CCDC178: variants seen among roughly 807,000 people sequenced by gnomAD.
CCDC178 encodes the protein coiled-coil domain-containing protein 178.
CCDC178 carries 126 observed loss-of-function variants against 117.4 expected under a neutral mutation model. The observed-to-expected ratio is 1.07, with a 90% CI of 0.93 to 1.24. The LOEUF (loss-of-function observed/expected upper bound fraction) is 1.24. Ranked by LOEUF, CCDC178 falls within the 50% of genes most tolerant of loss-of-function variation. The probability of loss-of-function intolerance (pLI) is 0.00; values close to 1 mark genes in which losing one functional copy is unlikely to be tolerated. For missense variants in CCDC178, 1,030 were observed against 986.9 expected, an observed-to-expected ratio of 1.04 and a Z score of -0.59; for synonymous variants, 283 against 313.4, an observed-to-expected ratio of 0.90 and a Z score of 1.02.
chr18:33,168,906 A>T (rs894440092), intron 20 of CCDC178, among the ~76,000 whole-genome samples: 2 of 152,246 alleles, frequency 1.3e-5, no homozygotes, highest in African/African-American at 4.8e-5. Flanking sequence ...CAAATATTTA[A>T]GTAGTGTTTA....
chr18:33,426,875 A>G (rs2064132120), intron 2 of CCDC178, among the ~76,000 whole-genome samples: 1 of 152,144 alleles, frequency 6.6e-6, no homozygotes, highest in African/African-American at 2.4e-5. Flanking sequence ...AACAATGGGA[A>G]AATTTCTGAA....
chr18:33,173,242 T>C (rs1016697502), intron 20 of CCDC178, among the ~76,000 whole-genome samples: 1 of 151,750 alleles, frequency 6.6e-6, no homozygotes, highest in Admixed American at 6.7e-5. Flanking sequence ...TAGAAACGGG[T>C]TTTCACTATG....
At chr18:33,338,016 A>C (rs1428711052) in intron 9 of CCDC178, among the ~76,000 whole-genome samples, 1 of 152,206 alleles carries the variant, frequency 6.6e-6, no homozygotes, top group East Asian at 1.9e-4. Flanking sequence ...CGTTGAAAAA[A>C]GGACTAATCC....
intron 5 of CCDC178, among the ~76,000 whole-genome samples, chr18:33,376,826 C>T (rs2063373788): frequency 1.3e-5 from 2 of 152,144 alleles, no homozygotes. Context: ...TGTATATGCA[C>T]CACATTTTCT....
At chr18:33,101,215 A>G (rs1344878885) in intron 20 of CCDC178, among the ~76,000 whole-genome samples, 1 of 151,402 alleles carries the variant, frequency 6.6e-6, no homozygotes, top group Non-Finnish European at 1.5e-5. Context: ...ATTCCTATGC[A>G]TTATAATCAT....
At chr18:33,245,466 A>G in intron 14 of CCDC178, 38 bp from the exon 15 acceptor site, 1 of 1,354,294 alleles carries the variant, frequency 7.4e-7, no homozygotes, top group Non-Finnish European at 9.7e-7. Context: ...TATTGAGTAT[A>G]TAGTGAGACA....
intron 22 of CCDC178, chr18:32,938,331 C>G (rs761772665): frequency 2.0e-5 from 8 of 404,764 alleles, no homozygotes; most frequent in Non-Finnish European, 3.1e-5. Context: ...GTGAATGAGA[C>G]AATTAAATTA....
intron 21 of CCDC178, among the ~76,000 whole-genome samples, chr18:33,044,857 T>C (rs1317628855): frequency 6.6e-6 from 1 of 152,094 alleles, no homozygotes; most frequent in Non-Finnish European, 1.5e-5. Flanking sequence ...AATGAAATAA[T>C]GTCTTTTGCA....
At chr18:33,020,956 T>C (rs2056104588) in intron 21 of CCDC178, among the ~76,000 whole-genome samples, 1 of 152,164 alleles carries the variant, frequency 6.6e-6, no homozygotes, top group Admixed American at 6.5e-5. Flanking sequence ...GTTGGACATA[T>C]ATATTTGTGA....
intron 9 of CCDC178, among the ~76,000 whole-genome samples, chr18:33,334,785 C>T (rs1300940936): frequency 6.6e-6 from 1 of 151,842 alleles, no homozygotes; most frequent in African/African-American, 2.4e-5. Flanking sequence ...GCCCCACGGC[C>T]CTATGTATAT....
At chr18:33,238,076 T>C (rs2059446163) in intron 15 of CCDC178, among the ~76,000 whole-genome samples, 1 of 152,214 alleles carries the variant, frequency 6.6e-6, no homozygotes, top group Non-Finnish European at 1.5e-5. Flanking sequence ...ACATAGAGAC[T>C]ACATTACTGT....
intron 20 of CCDC178, among the ~76,000 whole-genome samples, chr18:33,184,794 G>A (rs1230939844): frequency 6.6e-6 from 1 of 151,998 alleles, no homozygotes; most frequent in Non-Finnish European, 1.5e-5. Flanking sequence ...ATGGGAAAAT[G>A]TGTGCAGTTA....
chr18:33,270,507 A>G (rs895608535), intron 12 of CCDC178, among the ~76,000 whole-genome samples: 2 of 151,672 alleles, frequency 1.3e-5, no homozygotes, highest in Non-Finnish European at 3.0e-5. Context: ...GAAAAGTGAC[A>G]CTTCACATGT....
chr18:33,270,711 A>C (rs2059877105), intron 12 of CCDC178, among the ~76,000 whole-genome samples: 2 of 151,582 alleles, frequency 1.3e-5, no homozygotes, highest in South Asian at 4.1e-4. Flanking sequence ...CTGTTCTATA[A>C]AAAATACTCA....
intron 10 of CCDC178, 77 bp downstream of exon 10, chr18:33,333,097 G>T: frequency 5.1e-6 from 4 of 787,126 alleles, no homozygotes; most frequent in Non-Finnish European, 6.1e-6. Flanking sequence ...TTAAAGCTGT[G>T]TTAATTTCTT....
intron 20 of CCDC178, among the ~76,000 whole-genome samples, chr18:33,202,144 C>T (rs952343066): frequency 2.0e-5 from 3 of 151,838 alleles, no homozygotes; most frequent in Non-Finnish European, 4.4e-5. Context: ...CCTGTAATCC[C>T]AGCACTTTGG....
chr18:33,066,127 C>T (rs1332719705), intron 21 of CCDC178, among the ~76,000 whole-genome samples: 2 of 152,088 alleles, frequency 1.3e-5, no homozygotes, highest in African/African-American at 4.8e-5. Flanking sequence ...TCCCAAAGTG[C>T]TGGGATTACA....
chr18:33,001,040 A>C (rs1054841778), intron 21 of CCDC178, among the ~76,000 whole-genome samples: 1 of 152,210 alleles, frequency 6.6e-6, no homozygotes, highest in Non-Finnish European at 1.5e-5. Context: ...ATAAGATATA[A>C]ATAGAAACAA....
chr18:33,052,544 T>A (rs9950875), intron 21 of CCDC178, among the ~76,000 whole-genome samples: 21,682 of 152,038 alleles, frequency 0.14, 2,399 homozygotes, highest in African/African-American at 0.31. Context: ...TTAGAGTCCA[T>A]CCAAATCACT....
Sources: gnomAD v4.1 joint callset for allele counts (sites outside exome capture counted in the v4.1 genomes callset) on GRCh38, gnomAD v4.1.1 for gene constraint, MANE v1.5 for transcripts, NCBI Gene and HGNC (gene_info 2026-07-23, HGNC 2026-07-21) for gene names.